Variants in ZFHX3 observed in about 807,000 individuals in gnomAD.
ZFHX3 encodes zinc finger homeobox protein 3.
A neutral mutation model predicts 279.1 loss-of-function variants in ZFHX3; 42 were observed. The observed-to-expected ratio is 0.15, with a 90% CI of 0.12 to 0.19. The LOEUF is 0.19. Among genes scored for constraint, ZFHX3 ranks in the 10% least tolerant of loss-of-function variants. The pLI is 1.00. For missense variants in ZFHX3, 4,981 were observed against 4,754.0 expected (o/e 1.05, Z -1.40); for synonymous variants, 2,293 against 1,957.8 (o/e 1.17, Z -4.52).
chr16:73,687,035 T>TAA (rs2053094172), intron 1 of ZFHX3, among the ~76,000 whole-genome samples: 1 of 69,036 alleles, frequency 1.4e-5, no homozygotes, highest in South Asian at 4.7e-4. Flanking sequence ...TATATATATA[T>TAA]ATATATATAT....
intron 1 of ZFHX3, among the ~76,000 whole-genome samples, chr16:73,882,352 G>T (rs1040961652): frequency 2.6e-5 from 4 of 152,020 alleles, no homozygotes; most frequent in Admixed American, 6.6e-5. Context: ...TGTCAAAAAA[G>T]CTTTAAAGGA....
intron 5 of ZFHX3, among the ~76,000 whole-genome samples, chr16:72,828,704 G>A (rs928671492): frequency 6.6e-6 from 1 of 152,160 alleles, no homozygotes; most frequent in Non-Finnish European, 1.5e-5. Context: ...GACTCCCTTA[G>A]TAATTTTTTA....
chr16:73,038,496 G>A (rs1397769943), intron 1 of ZFHX3, among the ~76,000 whole-genome samples: 5 of 152,160 alleles, frequency 3.3e-5, no homozygotes, highest in Non-Finnish European at 5.9e-5. Flanking sequence ...CCAATATGAC[G>A]GCCACAACTG....
intron 2 of ZFHX3, among the ~76,000 whole-genome samples, chr16:73,538,145 T>A (rs564914501): frequency 6.6e-6 from 1 of 152,310 alleles, no homozygotes; most frequent in East Asian, 1.9e-4. Flanking sequence ...CAGCACCTCA[T>A]CACGGCAGCA....
intron 1 of ZFHX3, among the ~76,000 whole-genome samples, chr16:73,734,433 T>C (rs746033462): frequency 2.6e-5 from 4 of 152,234 alleles, no homozygotes; most frequent in Non-Finnish European, 5.9e-5. Context: ...AGATGGATAA[T>C]TTTCTGAGTT....
intron 5 of ZFHX3, among the ~76,000 whole-genome samples, chr16:73,190,025 C>G (rs1967995093): frequency 6.6e-6 from 1 of 152,244 alleles, no homozygotes; most frequent in Non-Finnish European, 1.5e-5. Flanking sequence ...CTCACATCCA[C>G]TCTTGAAAGA....
At chr16:72,887,159 G>A (rs931347284) in intron 4 of ZFHX3, among the ~76,000 whole-genome samples, 4 of 152,310 alleles carry the variant, frequency 2.6e-5, no homozygotes, top group East Asian at 1.9e-4. Context: ...AGGAGGCAGC[G>A]AAGGAGCAGT....
In ZFHX3 at chr16:73,515,893, T is replaced by C. The variant is rs118051465; in HGVS notation, c.-1546-59635A>G. ...CAGTCAAACAAGCCCATCTGGAAGA[T>C]GATGTAGAGTCAGTCAAGATATTAT... On this transcript the variant is annotated intron_variant, in intron 2 of 17. Transcript: ENST00000641206. 1.1e-3 allele frequency among the ~76,000 whole-genome samples: 175 copies of C among 152,358 alleles called. 1 individual carries two copies. The highest frequency in any genetic ancestry group is 1.2e-3 in the East Asian group (6 of 5,188).
chr16:73,345,403 C>T (rs891658482), intron 3 of ZFHX3, among the ~76,000 whole-genome samples: 1 of 147,772 alleles, frequency 6.8e-6, no homozygotes, highest in Non-Finnish European at 1.5e-5. Flanking sequence ...CACCCCACCC[C>T]CCGACAGGCC....
At chr16:73,172,773 A>G (rs1967560965) in intron 5 of ZFHX3, among the ~76,000 whole-genome samples, 2 of 152,218 alleles carry the variant, frequency 1.3e-5, no homozygotes, top group Non-Finnish European at 1.5e-5. Flanking sequence ...AGCTATAAGC[A>G]AGGAAATGAG....
At chr16:72,996,260 G>A (rs1021570398) in intron 1 of ZFHX3, among the ~76,000 whole-genome samples, 15 of 152,180 alleles carry the variant, frequency 9.9e-5, no homozygotes, top group African/African-American at 2.7e-4. Flanking sequence ...CTCCAGCCTG[G>A]TGACAGAGCA....
chr16:73,167,509 T>C (rs1967401820), intron 5 of ZFHX3, among the ~76,000 whole-genome samples: 1 of 152,224 alleles, frequency 6.6e-6, no homozygotes, highest in Non-Finnish European at 1.5e-5. Flanking sequence ...ATTTTAACTG[T>C]TTCAGTGCTG....
chr16:73,278,480 C>G (rs1340533865), intron 4 of ZFHX3, among the ~76,000 whole-genome samples: 1 of 152,188 alleles, frequency 6.6e-6, no homozygotes, highest in Admixed American at 6.5e-5. Flanking sequence ...GTGTCAACAG[C>G]TCTAAAGATG....
In ZFHX3 at chr16:73,127,681, G is replaced by C. The variant is rs928534594; in HGVS notation, c.-897+3287C>G. 3.4e-6 allele frequency: 4 copies of C among 1,178,374 alleles called. No individual in the cohort carries two copies. The Admixed American group carries it at 1.0e-4, about 30-fold the overall frequency. The allele number at this position is 1,178,374 out of a possible 1,614,324, so 73.0% of individuals were successfully genotyped here. On this transcript the variant is annotated intron_variant, in intron 7 of 17. Transcript: ENST00000641206. ...GATTAATTAGTTCATTTAAAACCCCGATGCTTTTTCCTGAACCTCACTCAG... is the reference window on the plus strand; with the variant it reads ...GATTAATTAGTTCATTTAAAACCCCCATGCTTTTTCCTGAACCTCACTCAG...
At chr16:73,485,844 A>G (rs568609205) in intron 2 of ZFHX3, among the ~76,000 whole-genome samples, 1 of 152,196 alleles carries the variant, frequency 6.6e-6, no homozygotes, top group Admixed American at 6.5e-5. Context: ...GCCTTGTCTG[A>G]CTTTCTTAGT....
intron 5 of ZFHX3, among the ~76,000 whole-genome samples, chr16:73,199,635 C>T (rs1329485996): frequency 6.6e-6 from 1 of 152,214 alleles, no homozygotes; most frequent in East Asian, 1.9e-4. Flanking sequence ...CGATTCTTAA[C>T]ACCTCAAGGT....
chr16:73,224,605 A>G (rs899336961), intron 5 of ZFHX3, among the ~76,000 whole-genome samples: 18 of 152,206 alleles, frequency 1.2e-4, no homozygotes, highest in African/African-American at 4.3e-4. Flanking sequence ...TGGCCAAAAG[A>G]GTCTCATTTA....
At position 72,959,541 on chromosome 16, in the gene ZFHX3, G is replaced by A. The variant is rs2144453263; in HGVS notation, c.605C>T (p.Ser202Leu). Residue 202 changes from serine to leucine, a missense_variant, in exon 2 of 10, where the codon TCA (serine) becomes TTA (leucine). Ser to Leu is a moderately radical substitution (Grantham distance 145, BLOSUM62 -2). Coordinates refer to ENST00000268489, the MANE Select transcript of ZFHX3 (RefSeq NM_006885.4). ...PQIINTFHIA[S>L]SFGKWFEGPD... ...GCCCTCAAACCATTTCCCGAAGGAT[G>A]AGGCTATGTGGAAAGTGTTGATGAT... The A allele has an allele frequency of 6.2e-7, 1 of 1,614,258 alleles. No individual in the cohort carries two copies. Among genetic ancestry groups the A allele is most frequent in the African/African-American group, 1.3e-5 (1 of 75,068 alleles).
chr16:73,554,700 T>C (rs1017450629), intron 2 of ZFHX3: 1 of 152,146 alleles, frequency 6.6e-6, no homozygotes, highest in Non-Finnish European at 1.5e-5. Flanking sequence ...GGTGGTCATA[T>C]TTTCCTGCGG....
Sources: allele counts gnomAD v4.1 joint callset (sites outside exome capture counted in the v4.1 genomes callset), GRCh38; gene constraint gnomAD v4.1.1; transcripts MANE v1.5; gene names NCBI Gene and HGNC (gene_info 2026-07-23, HGNC 2026-07-21).